The following MDFIC variants were observed in gnomAD, a reference collection of about 807,000 sequenced individuals.
The protein encoded by MDFIC is MyoD family inhibitor domain containing, also known as myoD family inhibitor domain-containing protein.
MDFIC carries 17 observed loss-of-function variants against 23.2 expected under a neutral mutation model. The ratio of observed to expected loss-of-function variants is 0.73; its 90% CI spans 0.50 to 1.10. MDFIC has a LOEUF of 1.10. MDFIC is among the 50% of genes least tolerant of loss of function. MDFIC has a pLI of 0.00. For missense variants in MDFIC, 356 were observed against 316.6 expected, an observed-to-expected ratio of 1.12 and a Z score of -0.95; for synonymous variants, 120 against 115.2, an observed-to-expected ratio of 1.04 and a Z score of -0.27.
At chr7:114,989,861 G>A (rs1793575475) in intron 4 of MDFIC, among the ~76,000 whole-genome samples, 1 of 152,108 alleles carries the variant, frequency 6.6e-6, no homozygotes, top group African/African-American at 2.4e-5. Context: ...GGATTGATAG[G>A]GCCTTAGGAT....
intron 4 of MDFIC, among the ~76,000 whole-genome samples, chr7:114,998,563 AT>A (rs1484845115): frequency 1.3e-5 from 2 of 152,206 alleles, no homozygotes; most frequent in South Asian, 2.1e-4. Flanking sequence ...AGCATTCTAA[AT>A]TTTAAGCTTA....
At chr7:114,923,255 T>C (rs866316530) in intron 2 of MDFIC, 128 bp downstream of exon 2, 2 of 1,325,282 alleles carry the variant, frequency 1.5e-6, no homozygotes, top group East Asian at 2.5e-5. Flanking sequence ...TGAGAACTTT[T>C]GCACAGTTCG....
At chr7:114,948,222 C>CT (rs35355770) in intron 3 of MDFIC, among the ~76,000 whole-genome samples, 137,527 of 152,152 alleles carry the variant, frequency 0.9, 62,396 homozygotes, top group East Asian at 1. Flanking sequence ...TCCATTTATT[C>CT]TTCTAACTCC....
intron 3 of MDFIC, among the ~76,000 whole-genome samples, chr7:114,956,521 T>A (rs1792888673): frequency 6.6e-6 from 1 of 152,168 alleles, no homozygotes; most frequent in Non-Finnish European, 1.5e-5. Flanking sequence ...ATGCCATTTT[T>A]AATGTGCGGT....
chr7:114,956,745 G>A (rs1792892303), intron 3 of MDFIC, among the ~76,000 whole-genome samples: 1 of 152,142 alleles, frequency 6.6e-6, no homozygotes, highest in Admixed American at 6.5e-5. Flanking sequence ...GGGCATTTGT[G>A]AGCCCCCATG....
chr7:114,968,298 A>G (rs1485891964), intron 3 of MDFIC, among the ~76,000 whole-genome samples: 1 of 152,266 alleles, frequency 6.6e-6, no homozygotes, highest in Non-Finnish European at 1.5e-5. Flanking sequence ...AACATGGGCA[A>G]GATTTTAATC....
At chr7:114,945,499 G>A (rs1360799664) in intron 3 of MDFIC, among the ~76,000 whole-genome samples, 1 of 152,160 alleles carries the variant, frequency 6.6e-6, no homozygotes, top group Non-Finnish European at 1.5e-5. Flanking sequence ...AAACATTGCA[G>A]GTGGAAGACC....
chr7:114,983,527 G>A (rs1168214365), intron 4 of MDFIC, among the ~76,000 whole-genome samples: 2 of 144,986 alleles, frequency 1.4e-5, no homozygotes, highest in Non-Finnish European at 1.5e-5. Context: ...AGTGTCTGAA[G>A]AACTGAGAAC....
intron 4 of MDFIC, among the ~76,000 whole-genome samples, chr7:114,984,945 T>C (rs1192193077): frequency 6.6e-6 from 1 of 152,226 alleles, no homozygotes; most frequent in Non-Finnish European, 1.5e-5. Context: ...ACATATCCAG[T>C]CCTAGTATAT....
intron 2 of MDFIC, among the ~76,000 whole-genome samples, chr7:114,930,252 A>G (rs1476289447): frequency 6.6e-6 from 1 of 152,184 alleles, no homozygotes; most frequent in Non-Finnish European, 1.5e-5. Context: ...TGGGAAGGGA[A>G]GCAGACAGAA....
intron 3 of MDFIC, among the ~76,000 whole-genome samples, chr7:114,965,912 T>C (rs1156775908): frequency 3.3e-5 from 5 of 152,222 alleles, no homozygotes; most frequent in Non-Finnish European, 7.3e-5. Context: ...AGTACTTTGG[T>C]TAAAATGTAT....
chr7:114,951,472 A>T (rs1339047437), intron 3 of MDFIC, among the ~76,000 whole-genome samples: 1 of 152,206 alleles, frequency 6.6e-6, no homozygotes, highest in Non-Finnish European at 1.5e-5. Context: ...GTGTCTGTGT[A>T]TATATAGATA....
intron 4 of MDFIC, among the ~76,000 whole-genome samples, chr7:114,982,054 T>C (rs1000284858): frequency 1.3e-5 from 2 of 152,210 alleles, no homozygotes; most frequent in Non-Finnish European, 2.9e-5. Flanking sequence ...GATTAGATAA[T>C]TTTAAAAATT....
chr7:114,986,604 C>T (rs1793519072), intron 4 of MDFIC, among the ~76,000 whole-genome samples: 1 of 152,192 alleles, frequency 6.6e-6, no homozygotes. Flanking sequence ...AATGCATAGA[C>T]ATGTCTGTAC....
At chr7:114,945,178 CCTT>C (rs1201005100) in intron 3 of MDFIC, among the ~76,000 whole-genome samples, 1 of 152,168 alleles carries the variant, frequency 6.6e-6, no homozygotes, top group South Asian at 2.1e-4. Flanking sequence ...ATGGCTGCTG[CCTT>C]CTTTGCCGGA....
chr7:114,964,495 C>A (rs1036543792), intron 3 of MDFIC, among the ~76,000 whole-genome samples: 12 of 148,394 alleles, frequency 8.1e-5, no homozygotes, highest in Non-Finnish European at 1.3e-4. Context: ...CCTCCCCTCC[C>A]CTTCCCTTCC....
intron 3 of MDFIC, among the ~76,000 whole-genome samples, chr7:114,946,478 G>A (rs905529367): frequency 1.3e-5 from 2 of 152,042 alleles, no homozygotes; most frequent in Non-Finnish European, 2.9e-5. Context: ...AATTCTAAAT[G>A]TCATTACTTA....
chr7:114,969,500 G>T (rs753431100), intron 3 of MDFIC, among the ~76,000 whole-genome samples: 12 of 152,082 alleles, frequency 7.9e-5, no homozygotes, highest in Non-Finnish European at 1.5e-4. Context: ...TAATAATCAA[G>T]GCAAGTCAGC....
intron 3 of MDFIC, among the ~76,000 whole-genome samples, chr7:114,967,762 T>G (rs1367983351): frequency 6.6e-6 from 1 of 151,974 alleles, no homozygotes; most frequent in African/African-American, 2.4e-5. Flanking sequence ...ATGGCACAAT[T>G]AGAGGAAAAA....
Sources: gnomAD v4.1 joint callset for allele counts (sites outside exome capture counted in the v4.1 genomes callset) on GRCh38, gnomAD v4.1.1 for gene constraint, MANE v1.5 for transcripts, NCBI Gene and HGNC (gene_info 2026-07-23, HGNC 2026-07-21) for gene names.